Variants in C3orf49 observed in about 807,000 individuals in gnomAD.
C3orf49 encodes the protein putative uncharacterized protein C3orf49.
C3orf49 carries 27 observed loss-of-function variants against 13.3 expected under a neutral mutation model. The observed-to-expected ratio is 2.02, with a 90% confidence interval of 1.49 to 2.79. C3orf49 has a LOEUF of 2.79. Among genes scored for constraint, C3orf49 ranks in the 30% most tolerant of loss-of-function variants. C3orf49 has a pLI of 0.00. For missense variants in C3orf49, 242 were observed against 134.2 expected (o/e 1.80, Z -3.97); for synonymous variants, 87 against 47.6 (o/e 1.83, Z -3.40).
At chr3:63,818,614 T>C (rs1386552932), upstream of C3orf49, among the ~76,000 whole-genome samples, 1 of 152,180 alleles carries the variant, frequency 6.6e-6, no homozygotes, top group East Asian at 1.9e-4. Context: ...AGCAGAGTAA[T>C]TCTTGTAACT....
At chr3:63,811,637 C>T in the C3orf49 span, among the ~76,000 whole-genome samples, 1 of 151,336 alleles carries the variant, frequency 6.6e-6, no homozygotes, top group African/African-American at 2.4e-5. Flanking sequence ...GTCCCGACTA[C>T]TTGGGAGGCT....
At chr3:63,794,514 G>A in the C3orf49 span, among the ~76,000 whole-genome samples, 3 of 151,784 alleles carry the variant, frequency 2.0e-5, no homozygotes, top group African/African-American at 7.3e-5. Context: ...TGCTTTTTAG[G>A]AAAATTCTTC....
At chr3:63,795,808 T>C in the C3orf49 span, among the ~76,000 whole-genome samples, 122,319 of 152,054 alleles carry the variant, frequency 0.8, 49,348 homozygotes, top group South Asian at 0.87. Context: ...CCTCCTCAAC[T>C]TCATTTCTCT....
intron 6 of C3orf49, among the ~76,000 whole-genome samples, chr3:63,848,017 C>G (rs1167399065): frequency 2.0e-5 from 3 of 152,144 alleles, no homozygotes; most frequent in African/African-American, 7.2e-5. Flanking sequence ...AAACAGAGAT[C>G]TTAAGACTGA....
rs1245589174 is a variant in C3orf49, at chr3:63,836,686, A to C, written c.849+4842A>C. On this transcript the variant is annotated intron_variant, in intron 5 of 6. Transcript: ENST00000295896. ...ACTGATTCTGAGAAGGATCTTACTCACTAGTTGTCCAAAAAGTAAAATAAA... is the reference window on the plus strand; with the variant it reads ...ACTGATTCTGAGAAGGATCTTACTCCCTAGTTGTCCAAAAAGTAAAATAAA... Among the ~76,000 whole-genome samples, 3 of 152,018 alleles carry C rather than the reference A, an allele frequency of 2.0e-5. No individual in the cohort carries two copies. The South Asian group carries it at 6.2e-4, about 31-fold the overall frequency.
chr3:63,835,062 C>A, intron 5 of C3orf49: 1 of 1,263,288 alleles, frequency 7.9e-7, no homozygotes, highest in Non-Finnish European at 1.1e-6. Flanking sequence ...TGAAGGTATA[C>A]TGTCTCTCCA....
chr3:63,827,574 A>C (rs1391950016), intron 2 of C3orf49, 27 bp from the exon 3 acceptor site: 1 of 699,254 alleles, frequency 1.4e-6, no homozygotes, highest in Non-Finnish European at 2.6e-6. Context: ...TGATCCTTAC[A>C]GATTCCTTTT....
At chr3:63,846,782 G>A (rs1701906419) in intron 6 of C3orf49, among the ~76,000 whole-genome samples, 1 of 152,090 alleles carries the variant, frequency 6.6e-6, no homozygotes, top group African/African-American at 2.4e-5. Flanking sequence ...ACTCTAGGGA[G>A]CCCCACATGG....
At chr3:63,797,539 T>A in the C3orf49 span, among the ~76,000 whole-genome samples, 1 of 152,120 alleles carries the variant, frequency 6.6e-6, no homozygotes, top group African/African-American at 2.4e-5. Flanking sequence ...TGACACACAG[T>A]TTCTCACTCT....
chr3:63,785,866 C>T, the C3orf49 span: 3 of 151,964 alleles, frequency 2.0e-5, no homozygotes, highest in Admixed American at 2.0e-4. Context: ...CCACCAAAAG[C>T]ATCTTAATTT....
At chr3:63,799,801 A>G in the C3orf49 span, among the ~76,000 whole-genome samples, 1 of 152,130 alleles carries the variant, frequency 6.6e-6, no homozygotes, top group African/African-American at 2.4e-5. Context: ...TAGAGTAAGA[A>G]CTTAAACCCA....
upstream of C3orf49, among the ~76,000 whole-genome samples, chr3:63,817,385 T>G (rs1358493211): frequency 2.6e-5 from 4 of 152,098 alleles, no homozygotes; most frequent in African/African-American, 9.7e-5. Context: ...GTTCAGAGAT[T>G]TTGTGTATGT....
At chr3:63,788,813 A>T in the C3orf49 span, among the ~76,000 whole-genome samples, 1 of 152,090 alleles carries the variant, frequency 6.6e-6, no homozygotes. Context: ...ACAAAGCCCA[A>T]ATTTTAACCT....
chr3:63,841,813 C>T (rs1007259441), intron 5 of C3orf49, among the ~76,000 whole-genome samples: 3 of 152,106 alleles, frequency 2.0e-5, no homozygotes, highest in Non-Finnish European at 2.9e-5. Context: ...TTTCTTACTA[C>T]AAATGTTTTA....
chr3:63,793,562 G>T, the C3orf49 span, among the ~76,000 whole-genome samples: 49 of 146,568 alleles, frequency 3.3e-4, no homozygotes, highest in Middle Eastern at 3.4e-3. Flanking sequence ...CTCACTCTCT[G>T]CTGCTGGCCT....
At chr3:63,830,988 G>GTTTC in intron 3 of C3orf49, 122 bp from the exon 4 acceptor site, 1 of 612,746 alleles carries the variant, frequency 1.6e-6, no homozygotes, top group Non-Finnish European at 2.9e-6. Context: ...ATCCAATATT[G>GTTTC]TTATGTGGCA....
At chr3:63,847,727 ACT>A (rs1280135538) in intron 6 of C3orf49, among the ~76,000 whole-genome samples, 2 of 152,130 alleles carry the variant, frequency 1.3e-5, no homozygotes, top group Non-Finnish European at 2.9e-5. Context: ...ACAGAGTGAG[ACT>A]CTGTCTCAAA....
At chr3:63,782,286 A>G in the C3orf49 span, 7 of 152,232 alleles carry the variant, frequency 4.6e-5, no homozygotes, top group Non-Finnish European at 8.8e-5. Context: ...AAAATCTTAC[A>G]TCTTAAAGTG....
At chr3:63,802,310 A>G in the C3orf49 span, among the ~76,000 whole-genome samples, 1 of 152,218 alleles carries the variant, frequency 6.6e-6, no homozygotes, top group South Asian at 2.1e-4. Context: ...AACTAAGCTC[A>G]ATCAGTCTTT....
Sources: allele counts gnomAD v4.1 joint callset (sites outside exome capture counted in the v4.1 genomes callset), GRCh38; gene constraint gnomAD v4.1.1; transcripts MANE v1.5; gene names NCBI Gene and HGNC (gene_info 2026-07-23, HGNC 2026-07-21).